The following ATP6V0A2 variants were observed in gnomAD, a reference collection of about 807,000 sequenced individuals.
ATP6V0A2 encodes the protein V-type proton ATPase 116 kDa subunit a 2.
In ATP6V0A2, 58 loss-of-function variants were observed where a neutral mutation model predicts 104.4. The ratio of observed to expected loss-of-function variants is 0.56; its 90% confidence interval spans 0.45 to 0.69. The LOEUF is 0.69. Among genes scored for constraint, ATP6V0A2 ranks in the 30% least tolerant of loss-of-function variants. The pLI, the probability that ATP6V0A2 is intolerant of heterozygous loss-of-function variation, is 0.00. For missense variants in ATP6V0A2, 938 were observed against 1,062.9 expected, an observed-to-expected ratio of 0.88 and a Z score of 1.63; for synonymous variants, 376 against 397.9, an observed-to-expected ratio of 0.95 and a Z score of 0.65.
intron 8 of ATP6V0A2, among the ~76,000 whole-genome samples, chr12:123,736,441 C>T (rs1315950945): frequency 6.6e-6 from 1 of 152,248 alleles, no homozygotes; most frequent in Non-Finnish European, 1.5e-5. Flanking sequence ...ATCCACCCGC[C>T]TCGGCCTCCC....
intron 9 of ATP6V0A2, chr12:123,738,858 C>T (rs953143318): frequency 5.9e-5 from 9 of 152,162 alleles, no homozygotes; most frequent in African/African-American, 2.2e-4. Flanking sequence ...TTACATAATT[C>T]TGTGATGATA....
chr12:123,713,648 A>G (rs1325704905), intron 1 of ATP6V0A2, among the ~76,000 whole-genome samples: 1 of 152,154 alleles, frequency 6.6e-6, no homozygotes, highest in African/African-American at 2.4e-5. Flanking sequence ...GGGAGGAGAC[A>G]GATTAAACAC....
intron 6 of ATP6V0A2, chr12:123,733,098 A>T (rs1593898725): frequency 3.3e-5 from 5 of 152,266 alleles, no homozygotes; most frequent in Admixed American, 3.3e-4. Context: ...GGATCACCTG[A>T]GGTCAGGAGA....
intron 7 of ATP6V0A2, among the ~76,000 whole-genome samples, chr12:123,734,668 CCAAA>C (rs1400565798): frequency 2.0e-5 from 3 of 152,156 alleles, no homozygotes; most frequent in South Asian, 2.1e-4. Flanking sequence ...TAAGCAAAAG[CCAAA>C]CAAAGTCAGA....
At chr12:123,734,075 C>T (rs994212337) in intron 7 of ATP6V0A2, 67 bp downstream of exon 7, 2 of 1,281,130 alleles carry the variant, frequency 1.6e-6, no homozygotes. Flanking sequence ...TTTCCTTCAA[C>T]ATCCCTCTGG....
chr12:123,738,893 A>G (rs1463131819), intron 9 of ATP6V0A2: 1 of 152,252 alleles, frequency 6.6e-6, no homozygotes, highest in Non-Finnish European at 1.5e-5. Context: ...AATGTCCATT[A>G]TGACATAAAC....
At chr12:123,735,690 C>T in intron 8 of ATP6V0A2, 66 bp downstream of exon 8, 2 of 1,298,432 alleles carry the variant, frequency 1.5e-6, no homozygotes, top group Non-Finnish European at 2.2e-6. Context: ...CGTATATTTT[C>T]TCTCTTTTTT....
chr12:123,748,671 C>T lies in ATP6V0A2; in HGVS notation c.1821C>T (p.Tyr607=). The part of the protein sequence containing the change: ...IFGYLIFMIF[Y]KWLVFSAETS... ...GATACCTTATATTTATGATTTTCTA[C>T]AAGTGGCTGGTTTTTTCAGCAGAAA... The change falls in exon 15 of 20, where the codon TAC becomes TAT. Residue 607 remains tyrosine (Y), a synonymous_variant. Transcript: ENST00000330342. The T allele has an allele frequency of 6.2e-7, 1 of 1,614,012 alleles. No homozygotes were observed. Among genetic ancestry groups the T allele is most frequent in the Non-Finnish European group, 8.5e-7 (1 of 1,179,900 alleles).
At chr12:123,723,279 T>C (rs1476111121) in intron 3 of ATP6V0A2, 2 of 152,156 alleles carry the variant, frequency 1.3e-5, no homozygotes, top group Admixed American at 6.5e-5. Flanking sequence ...TAGTGATGAC[T>C]GTGTACAGTG....
rs756272879 is a variant in ATP6V0A2, at chr12:123,737,264, A to G, written c.1031A>G (p.Glu344Gly). 1.2e-5 allele frequency: 19 copies of G among 1,614,172 alleles called. No homozygotes were observed. In the East Asian group the frequency reaches 4.2e-4, roughly 36 times the overall value. ...CAGGACCTGCGCCGGGCACTGGAGG[A>G]GGGCTCGGTAAGGCTGCCTTCCTCT... The part of the protein sequence containing the change: ...DLQDLRRALE[E>G]GSRESGATIP... The change falls in exon 9 of 20, where the codon GAG (glutamate) becomes GGG (glycine). Residue 344 changes from glutamate (E) to glycine (G), a missense_variant. Physicochemically the swap from Glu to Gly is moderately conservative, Grantham distance 98 (BLOSUM62 -2). Coordinates refer to ENST00000330342, the MANE Select transcript of ATP6V0A2 (RefSeq NM_012463.4).
chr12:123,750,973 A>G (rs1027987026), intron 15 of ATP6V0A2, 137 bp from the exon 16 acceptor site: 17 of 1,186,586 alleles, frequency 1.4e-5, no homozygotes, highest in Non-Finnish European at 2.1e-5. Flanking sequence ...CCCGCTGGCA[A>G]GTGTAGCTGG....
chr12:123,728,297 G>A (rs1956466860), intron 6 of ATP6V0A2, among the ~76,000 whole-genome samples: 1 of 151,798 alleles, frequency 6.6e-6, no homozygotes, highest in African/African-American at 2.4e-5. Flanking sequence ...GTGTTGCCCA[G>A]GCTGGTCTCA....
rs144499089 is a variant in ATP6V0A2, at chr12:123,724,668, G to T, written c.309G>T (p.Lys103Asn). 4.5e-4 allele frequency: 724 copies of T among 1,613,770 alleles called. No homozygotes were observed. Among genetic ancestry groups the T allele is most frequent in the Non-Finnish European group, 5.7e-4 (674 of 1,179,878 alleles). Residue 103 changes from lysine (K) to asparagine (N), a missense_variant, in exon 4 of 20, where the codon AAG (lysine) becomes AAT (asparagine). Transcript: ENST00000330342. Reference protein sequence around the residue: ...QVLEMQEQLQKLEVELREVTK... With the variant: ...QVLEMQEQLQNLEVELREVTK... The stretch of plus-strand genomic sequence containing the variant: ...TTTTGTTTTAGGAGCAGTTGCAGAA[G>T]CTCGAGGTTGAACTGAGAGAAGTCA...
At chr12:123,745,088 T>G in intron 13 of ATP6V0A2, 116 bp downstream of exon 13, 1 of 1,034,762 alleles carries the variant, frequency 9.7e-7, no homozygotes, top group Non-Finnish European at 1.5e-6. Flanking sequence ...GAGCGGGAGG[T>G]GCTCATTAGC....
rs142935490 is a variant in ATP6V0A2 at position 123,726,279 on chromosome 12, A to G, written c.515A>G (p.Lys172Arg). 114 of 1,613,276 alleles carry G rather than the reference A, an allele frequency of 7.1e-5. No individual in the cohort carries two copies. Among genetic ancestry groups the G allele is most frequent in the Non-Finnish European group, 9.2e-5 (108 of 1,179,308 alleles). ...DYSCMQRLGA[K>R]LGFVSGLINQ... ...AGCTGTATGCAGAGGCTGGGAGCAA[A>G]ACTGGGGTAGGTGACAAGGCCTGGG... The change falls in exon 5 of 20, where the codon AAA becomes AGA. Residue 172 changes from lysine to arginine, a missense_variant. Transcript: ENST00000330342.
chr12:123,739,273 G>C (rs1956585811), intron 9 of ATP6V0A2, among the ~76,000 whole-genome samples: 1 of 152,198 alleles, frequency 6.6e-6, no homozygotes, highest in Non-Finnish European at 1.5e-5. Flanking sequence ...AGGGTACTGA[G>C]CTCTCAGCCC....
At position 123,756,859 on chromosome 12, in the gene ATP6V0A2, C is replaced by T. The variant is rs768609186; in HGVS notation, c.2338C>T (p.Arg780Cys). 20 of 1,614,060 alleles carry T rather than the reference C, an allele frequency of 1.2e-5. No homozygotes were observed. Among genetic ancestry groups the T allele is most frequent in the South Asian group, 4.4e-5 (4 of 91,076 alleles). ...GGCCATGCTGATGCGCGTGGGCCTCCGCGTTGACACCACCTATGGCGTCTT... is the reference window on the plus strand; with the variant it reads ...GGCCATGCTGATGCGCGTGGGCCTCTGCGTTGACACCACCTATGGCGTCTT... ...LWAMLMRVGLRVDTTYGVLLL... is the reference protein window; with the variant it reads ...LWAMLMRVGLCVDTTYGVLLL... Residue 780 changes from arginine to cysteine, a missense_variant, in exon 19 of 20, where the codon CGC becomes TGC. Coordinates refer to ENST00000330342, the MANE Select transcript of ATP6V0A2 (RefSeq NM_012463.4).
chr12:123,742,362 G>A (rs1235443361), intron 9 of ATP6V0A2, among the ~76,000 whole-genome samples: 7 of 152,174 alleles, frequency 4.6e-5, no homozygotes, highest in African/African-American at 1.7e-4. Context: ...GCTGTTGGTG[G>A]TTTCCTCACC....
chr12:123,720,754 CATG>C (rs1956391596), intron 2 of ATP6V0A2, among the ~76,000 whole-genome samples: 1 of 151,966 alleles, frequency 6.6e-6, no homozygotes, highest in Non-Finnish European at 1.5e-5. Flanking sequence ...GTACGCCAGG[CATG>C]GTGGTGCACA....
Sources: gnomAD v4.1 joint callset for allele counts (sites outside exome capture counted in the v4.1 genomes callset) on GRCh38, gnomAD v4.1.1 for gene constraint, MANE v1.5 for transcripts, NCBI Gene and HGNC (gene_info 2026-07-23, HGNC 2026-07-21) for gene names.